Variants in TANC1 observed in about 807,000 individuals in gnomAD.
TANC1 encodes the protein tetratricopeptide repeat, ankyrin repeat and coiled-coil containing 1.
In TANC1, 77 loss-of-function variants were observed where a neutral mutation model predicts 149.7. The observed-to-expected ratio is 0.51, with a 90% confidence interval of 0.43 to 0.62. The LOEUF (loss-of-function observed/expected upper bound fraction) is 0.62, where lower values mean the gene tolerates loss of function less well. TANC1 is among the 20% of genes least tolerant of loss of function. The pLI is 0.00. For missense variants in TANC1, 1,985 were observed against 2,321.8 expected (o/e 0.85, Z 2.98); for synonymous variants, 854 against 925.0 (o/e 0.92, Z 1.39).
intron 5 of TANC1, chr2:159,147,560 G>A (rs2052276518): frequency 6.6e-6 from 1 of 152,312 alleles, no homozygotes; most frequent in African/African-American, 2.4e-5. Flanking sequence ...TTTGAGGTAG[G>A]AAGGGACCTC....
At chr2:159,033,479 T>A (rs1209678931) in intron 2 of TANC1, among the ~76,000 whole-genome samples, 1 of 152,000 alleles carries the variant, frequency 6.6e-6, no homozygotes, top group Non-Finnish European at 1.5e-5. Flanking sequence ...AGAGGGGAAG[T>A]GCCCAGGAGC....
Position 159,163,361 on chromosome 2 carries a change from T to A in TANC1, c.761T>A (p.Leu254Ter). The A allele has an allele frequency of 6.2e-7, 1 of 1,614,162 alleles. No individual in the cohort carries two copies. ...LEWNKDGNLRLGVQKGVLHDR... is the reference protein window; with the variant it reads ...LEWNKDGNLR ...TGGAATAAAGATGGAAACCTAAGATTAGGGGTTCAGAAGGGAGTGCTTCAT... is the reference window on the plus strand; with the variant it reads ...TGGAATAAAGATGGAAACCTAAGATAAGGGGTTCAGAAGGGAGTGCTTCAT... Residue 254 changes from leucine to a stop codon, truncating the protein, a stop_gained, in exon 8 of 27, where the codon TTA becomes TAA. Coordinates refer to ENST00000263635, the MANE Select transcript of TANC1 (RefSeq NM_033394.3). LOFTEE classifies it high-confidence loss of function.
chr2:159,152,078 A>G (rs1479153112), intron 7 of TANC1, among the ~76,000 whole-genome samples: 2 of 152,202 alleles, frequency 1.3e-5, no homozygotes, highest in Admixed American at 1.3e-4. Context: ...AACATTTCAT[A>G]TAAATGGTGG....
intron 19 of TANC1, among the ~76,000 whole-genome samples, chr2:159,213,476 T>A (rs1298576733): frequency 6.6e-6 from 1 of 151,790 alleles, no homozygotes; most frequent in Non-Finnish European, 1.5e-5. Flanking sequence ...ACCATTCTGC[T>A]AATGGTATTT....
chr2:159,089,161 C>G (rs1466496389), intron 3 of TANC1, among the ~76,000 whole-genome samples: 1 of 150,940 alleles, frequency 6.6e-6, no homozygotes, highest in African/African-American at 2.4e-5. Flanking sequence ...GTTTTATAGA[C>G]TGGAGTGTGG....
chr2:159,059,164 G>C (rs1322561690), intron 2 of TANC1, among the ~76,000 whole-genome samples: 1 of 152,178 alleles, frequency 6.6e-6, no homozygotes, highest in Non-Finnish European at 1.5e-5. Flanking sequence ...ATGTGTCTTA[G>C]AGAATAAATT....
intron 2 of TANC1, among the ~76,000 whole-genome samples, chr2:159,019,282 C>A (rs530634127): frequency 6.6e-6 from 1 of 152,128 alleles, no homozygotes; most frequent in South Asian, 2.1e-4. Flanking sequence ...AAGCAGCCAG[C>A]GATCTTCAGC....
intron 2 of TANC1, among the ~76,000 whole-genome samples, chr2:159,031,052 T>C (rs1264244670): frequency 1.3e-5 from 2 of 152,098 alleles, no homozygotes; most frequent in Non-Finnish European, 2.9e-5. Context: ...GCAAGGCAGC[T>C]CCTCAGCCCC....
intron 4 of TANC1, among the ~76,000 whole-genome samples, chr2:159,103,921 G>T (rs2046949012): frequency 1.0e-5 from 1 of 96,284 alleles, no homozygotes; most frequent in African/African-American, 2.9e-5. Context: ...TTTCATAGAA[G>T]GTGTGGGCAG....
intron 4 of TANC1, among the ~76,000 whole-genome samples, chr2:159,122,239 A>G (rs1246354773): frequency 2.0e-5 from 3 of 152,154 alleles, no homozygotes; most frequent in African/African-American, 7.2e-5. Flanking sequence ...TTCCTGGCCT[A>G]TTTTTTAAAA....
intron 5 of TANC1, among the ~76,000 whole-genome samples, chr2:159,140,935 C>G (rs2051302712): frequency 6.6e-6 from 1 of 152,152 alleles, no homozygotes; most frequent in African/African-American, 2.4e-5. Flanking sequence ...AGGTGACCCA[C>G]CCGCCTTGGC....
At chr2:159,186,351 C>T (rs936765436) in intron 15 of TANC1, among the ~76,000 whole-genome samples, 6 of 152,150 alleles carry the variant, frequency 3.9e-5, no homozygotes, top group South Asian at 2.1e-4. Flanking sequence ...GCCATCCTCC[C>T]GCCTCAGCCT....
chr2:159,120,623 T>G (rs1367983453), intron 4 of TANC1, among the ~76,000 whole-genome samples: 1 of 152,302 alleles, frequency 6.6e-6, no homozygotes, highest in East Asian at 1.9e-4. Flanking sequence ...GAATTTCACT[T>G]AAAGCTAAAA....
At chr2:159,057,120 A>C (rs2041913685) in intron 2 of TANC1, among the ~76,000 whole-genome samples, 1 of 151,766 alleles carries the variant, frequency 6.6e-6, no homozygotes, top group African/African-American at 2.4e-5. Flanking sequence ...TTTTCTGAGA[A>C]TCTCCTTCTG....
chr2:159,035,063 A>G (rs1280517737), intron 2 of TANC1, among the ~76,000 whole-genome samples: 4 of 152,224 alleles, frequency 2.6e-5, no homozygotes, highest in Admixed American at 2.0e-4. Context: ...GAGGAGGCCC[A>G]GTGCTAGGCT....
intron 20 of TANC1, 142 bp downstream of exon 20, chr2:159,217,772 C>A: frequency 9.3e-7 from 1 of 1,072,828 alleles, no homozygotes. Flanking sequence ...ATCAGGACTG[C>A]TTGATAGAGC....
chr2:159,114,993 C>T (rs2048090309), intron 4 of TANC1, among the ~76,000 whole-genome samples: 1 of 152,070 alleles, frequency 6.6e-6, no homozygotes, highest in Admixed American at 6.6e-5. Context: ...GAGCACCAGC[C>T]ATGTGTTGGG....
intron 2 of TANC1, among the ~76,000 whole-genome samples, chr2:159,036,280 A>G (rs566360254): frequency 1.3e-5 from 2 of 152,294 alleles, no homozygotes; most frequent in East Asian, 3.9e-4. Flanking sequence ...CATCAACCTT[A>G]TGTAGGAAAA....
At chr2:159,017,285 A>C (rs2038376113) in intron 2 of TANC1, among the ~76,000 whole-genome samples, 1 of 152,162 alleles carries the variant, frequency 6.6e-6, no homozygotes, top group Admixed American at 6.5e-5. Context: ...TTGGGTTGGT[A>C]CTCAGAATGT....
Sources: gnomAD v4.1 joint callset for allele counts (sites outside exome capture counted in the v4.1 genomes callset) on GRCh38, gnomAD v4.1.1 for gene constraint, MANE v1.5 for transcripts, NCBI Gene and HGNC (gene_info 2026-07-23, HGNC 2026-07-21) for gene names.